The following ZNF536 variants were observed in gnomAD, a reference collection of about 807,000 sequenced individuals.
The protein encoded by ZNF536 is zinc finger protein 536.
A neutral mutation model predicts 84.5 loss-of-function variants in ZNF536; 13 were observed. That is an observed-to-expected ratio of 0.15 (90% CI 0.10 to 0.24). The LOEUF (loss-of-function observed/expected upper bound fraction) is 0.24. Ranked by LOEUF, ZNF536 falls within the 10% of genes least tolerant of loss-of-function variation. ZNF536 has a pLI of 1.00. For missense variants in ZNF536, 1,536 were observed against 1,747.5 expected (o/e 0.88, Z 2.16); for synonymous variants, 811 against 742.5 (o/e 1.09, Z -1.50).
intron 1 of ZNF536, among the ~76,000 whole-genome samples, chr19:30,276,771 C>T (rs1251964060): frequency 6.6e-6 from 1 of 151,964 alleles, no homozygotes; most frequent in Admixed American, 6.5e-5. Context: ...TAAATTCCGG[C>T]GAACATTAAG....
chr19:30,561,774 T>A (rs1339296705), downstream of ZNF536, among the ~76,000 whole-genome samples: 2 of 149,630 alleles, frequency 1.3e-5, no homozygotes, highest in Non-Finnish European at 3.0e-5. Context: ...GCCCACCTGA[T>A]GGCCAACCAT....
chr19:30,582,722 G>T (rs868176475), intron 1 of ZNF536, among the ~76,000 whole-genome samples: 2 of 152,202 alleles, frequency 1.3e-5, no homozygotes, highest in Middle Eastern at 6.8e-3. Flanking sequence ...TGAAAGGCAC[G>T]TCTTACATGG....
At chr19:30,266,937 G>A (rs576488660) in intron 1 of ZNF536, among the ~76,000 whole-genome samples, 62 of 152,164 alleles carry the variant, frequency 4.1e-4, no homozygotes, top group Non-Finnish European at 7.2e-4. Context: ...AACGGAATCC[G>A]TTATAGAGGT....
chr19:30,376,436 G>A (rs2048821211), intron 1 of ZNF536, among the ~76,000 whole-genome samples: 1 of 152,140 alleles, frequency 6.6e-6, no homozygotes, highest in East Asian at 1.9e-4. Context: ...ACTTATACCA[G>A]ATAATGAGGC....
intron 1 of ZNF536, among the ~76,000 whole-genome samples, chr19:30,583,966 C>G (rs2146705402): frequency 6.6e-6 from 1 of 152,296 alleles, no homozygotes. Flanking sequence ...CTCAGGGAAA[C>G]TGCCCATTGG....
chr19:30,236,530 G>A (rs566773597), intron 1 of ZNF536, among the ~76,000 whole-genome samples: 6 of 89,490 alleles, frequency 6.7e-5, no homozygotes, highest in Non-Finnish European at 1.1e-4. Flanking sequence ...AAGTTGGGGC[G>A]GGGGGGGGGT....
intron 3 of ZNF536, 28 bp from the exon 4 acceptor site, chr19:30,547,915 T>C (rs2146171733): frequency 6.6e-7 from 1 of 1,511,410 alleles, no homozygotes; most frequent in South Asian, 1.4e-5. Context: ...TAAACGCCTC[T>C]TTTTTTTCTT....
chr19:30,292,673 GA>G (rs374798749), intron 2 of ZNF536, among the ~76,000 whole-genome samples: 6,153 of 149,578 alleles, frequency 0.041, 352 homozygotes, highest in Admixed American at 0.16. Flanking sequence ...TCCTAGTTGA[GA>G]AAAAAAAAAT....
At chr19:30,497,456 G>A (rs926203539) in intron 2 of ZNF536, among the ~76,000 whole-genome samples, 5 of 152,130 alleles carry the variant, frequency 3.3e-5, no homozygotes, top group African/African-American at 1.2e-4. Context: ...AGCACCAAAG[G>A]AGACCTTTGA....
intron 1 of ZNF536, among the ~76,000 whole-genome samples, chr19:30,438,498 C>G (rs1462963268): frequency 2.6e-5 from 4 of 152,076 alleles, no homozygotes; most frequent in Non-Finnish European, 2.9e-5. Flanking sequence ...CTAAAGTGCT[C>G]TGGCAGCAGG....
At chr19:30,338,113 T>TATGATG (rs199973690) in intron 2 of ZNF536, among the ~76,000 whole-genome samples, 1 of 150,472 alleles carries the variant, frequency 6.6e-6, no homozygotes, top group African/African-American at 2.5e-5. Flanking sequence ...TGATTGTGAT[T>TATGATG]ATGATGATGA....
intron 2 of ZNF536, among the ~76,000 whole-genome samples, chr19:30,347,343 G>GA: frequency 6.6e-6 from 1 of 152,304 alleles, no homozygotes; most frequent in Middle Eastern, 3.4e-3. Context: ...CTCTGGTCTA[G>GA]CCGCCTGCTT....
chr19:30,282,938 C>T (rs2045502797), intron 1 of ZNF536, among the ~76,000 whole-genome samples: 1 of 152,168 alleles, frequency 6.6e-6, no homozygotes. Flanking sequence ...CAGACAGCAG[C>T]TTCCCTGTGG....
At chr19:30,540,654 A>G (rs761618745) in intron 3 of ZNF536, among the ~76,000 whole-genome samples, 5 of 152,344 alleles carry the variant, frequency 3.3e-5, no homozygotes, top group Non-Finnish European at 5.9e-5. Context: ...ATTAAAGGTT[A>G]TAATCAGATC....
At position 30,681,028 on chromosome 19, in the gene ZNF536, G is replaced by A. The variant is rs147885066; in HGVS notation, c.170-29729G>A. On this transcript the variant is annotated intron_variant, in intron 1 of 1. Transcript: ENST00000592773. The stretch of plus-strand genomic sequence containing the variant: ...GTGATGGTGAGCATTTTTTCATGTC[G>A]TTATGGAACATCTGCCTGCCAGGTG... Among the ~76,000 whole-genome samples, 36 of 152,110 alleles carry A rather than the reference G, an allele frequency of 2.4e-4. No individual in the cohort carries two copies. The East Asian group carries it at 5.8e-3, about 25-fold the overall frequency.
chr19:30,277,241 G>A (rs2045267302), intron 1 of ZNF536, among the ~76,000 whole-genome samples: 1 of 152,134 alleles, frequency 6.6e-6, no homozygotes, highest in Non-Finnish European at 1.5e-5. Context: ...ACATGGATTT[G>A]TTTATTAAAG....
At chr19:30,450,357 ACAGTCATTATCAG>A (rs1191387088) in intron 2 of ZNF536, among the ~76,000 whole-genome samples, 1 of 152,180 alleles carries the variant, frequency 6.6e-6, no homozygotes, top group Non-Finnish European at 1.5e-5. Context: ...AGAGCCGAAG[ACAGTCATTATCAG>A]CAGAGGAAAC....
At chr19:30,347,279 G>A (rs1192753386) in intron 2 of ZNF536, among the ~76,000 whole-genome samples, 4 of 152,158 alleles carry the variant, frequency 2.6e-5, no homozygotes, top group East Asian at 1.9e-4. Flanking sequence ...AAGCATATCG[G>A]TGGAGCTTTG....
At chr19:30,537,862 C>T (rs2045154436) in intron 3 of ZNF536, among the ~76,000 whole-genome samples, 2 of 152,312 alleles carry the variant, frequency 1.3e-5, no homozygotes, top group Middle Eastern at 3.4e-3. Flanking sequence ...ATCACACCAC[C>T]TCCACCACCC....
Sources: allele counts gnomAD v4.1 joint callset (sites outside exome capture counted in the v4.1 genomes callset), GRCh38; gene constraint gnomAD v4.1.1; transcripts MANE v1.5; gene names NCBI Gene and HGNC (gene_info 2026-07-23, HGNC 2026-07-21).